The following SYNPR variants were observed in gnomAD, a reference collection of about 807,000 sequenced individuals.
SYNPR encodes synaptoporin.
A neutral mutation model predicts 32.9 loss-of-function variants in SYNPR; 23 were observed. The ratio of observed to expected loss-of-function variants is 0.70; its 90% CI spans 0.50 to 0.99. The LOEUF (loss-of-function observed/expected upper bound fraction) is 0.99. SYNPR is among the 50% of genes least tolerant of loss of function. The probability of loss-of-function intolerance (pLI) is 0.00; values close to 1 mark genes in which losing one functional copy is unlikely to be tolerated. For synonymous variants in SYNPR, 146 were observed against 135.9 expected, an observed-to-expected ratio of 1.07 and a Z score of -0.52; for missense variants, 318 against 349.3, an observed-to-expected ratio of 0.91 and a Z score of 0.71.
intron 2 of SYNPR, among the ~76,000 whole-genome samples, chr3:63,349,907 G>A (rs2087483815): frequency 6.6e-6 from 1 of 151,996 alleles, no homozygotes; most frequent in East Asian, 1.9e-4. Context: ...TTTAACAAAG[G>A]CAAATGCAAA....
Position 63,323,279 on chromosome 3 carries a change from T to C in SYNPR, c.84+44537T>C, listed in dbSNP as rs530272884. 2.6e-5 allele frequency among the ~76,000 whole-genome samples: 4 copies of C among 152,208 alleles called. No homozygotes were observed. In the South Asian group the frequency reaches 6.2e-4, roughly 24 times the overall value. On this transcript the variant is annotated intron_variant, in intron 2 of 5. Transcript: ENST00000478300. ...TAAGAAAGAGCCAAAGGTAATGCTA[T>C]GGACTGATCCACTTTCCAATGGAAA...
At chr3:63,253,995 T>A (rs1311083649) in intron 2 of SYNPR, among the ~76,000 whole-genome samples, 1 of 152,112 alleles carries the variant, frequency 6.6e-6, no homozygotes, top group East Asian at 1.9e-4. Context: ...CCATAAAAAA[T>A]GATGAGTTCC....
At chr3:63,465,219 A>G (rs1700654209) in intron 2 of SYNPR, among the ~76,000 whole-genome samples, 1 of 152,130 alleles carries the variant, frequency 6.6e-6, no homozygotes, top group African/African-American at 2.4e-5. Flanking sequence ...TATAATGAGA[A>G]AAAGCTACTC....
intron 2 of SYNPR, among the ~76,000 whole-genome samples, chr3:63,254,753 C>A (rs761029345): frequency 9.9e-5 from 15 of 152,006 alleles, no homozygotes; most frequent in Non-Finnish European, 1.9e-4. Context: ...ATCCCTAGTA[C>A]CTTGGAATGT....
intron 2 of SYNPR, among the ~76,000 whole-genome samples, chr3:63,381,083 T>G (rs1575617339): frequency 6.6e-6 from 1 of 152,218 alleles, no homozygotes; most frequent in East Asian, 1.9e-4. Flanking sequence ...AAATAAAGGG[T>G]ATTCAATTAG....
chr3:63,546,236 C>A, intron 3 of SYNPR, among the ~76,000 whole-genome samples: 1 of 152,122 alleles, frequency 6.6e-6, no homozygotes, highest in East Asian at 1.9e-4. Context: ...TGCCTCTTTG[C>A]AAGTCACTGT....
intron 2 of SYNPR, among the ~76,000 whole-genome samples, chr3:63,473,154 C>A (rs373361277): frequency 3.9e-5 from 6 of 152,154 alleles, no homozygotes; most frequent in South Asian, 4.1e-4. Flanking sequence ...GCCTAAAACA[C>A]CCTTCTCCCT....
chr3:63,346,142 TACA>T (rs760673309), intron 2 of SYNPR, among the ~76,000 whole-genome samples: 4 of 152,158 alleles, frequency 2.6e-5, no homozygotes, highest in Non-Finnish European at 5.9e-5. Flanking sequence ...AAACTCTTCA[TACA>T]TCAATTTTGT....
At chr3:63,309,989 C>A (rs368968421) in intron 2 of SYNPR, among the ~76,000 whole-genome samples, 1 of 151,868 alleles carries the variant, frequency 6.6e-6, no homozygotes, top group African/African-American at 2.4e-5. Context: ...AAGCCCTCTT[C>A]TGTGTACCCA....
At position 63,318,214 on chromosome 3, in the gene SYNPR, A is replaced by G. The variant is rs549892371; in HGVS notation, c.84+39472A>G. ...CTTTCCTTCATCTTGACTTTGGATA[A>G]CCTGATGACAATGTGCCTAGGCAAA... On this transcript the variant is annotated intron_variant, in intron 2 of 5. Transcript: ENST00000478300. 5.9e-5 allele frequency among the ~76,000 whole-genome samples: 9 copies of G among 152,098 alleles called. No homozygotes were observed. In the South Asian group the frequency reaches 1.9e-3, roughly 32 times the overall value.
At chr3:63,485,507 T>C (rs753745854) in intron 3 of SYNPR, among the ~76,000 whole-genome samples, 2 of 152,184 alleles carry the variant, frequency 1.3e-5, no homozygotes, top group Non-Finnish European at 2.9e-5. Flanking sequence ...AAAGCTTTCA[T>C]GGGACATTTC....
intron 3 of SYNPR, among the ~76,000 whole-genome samples, chr3:63,509,266 T>A (rs575839422): frequency 4.9e-4 from 64 of 130,224 alleles, no homozygotes; most frequent in African/African-American, 2.2e-3. Context: ...CAATTAAGGC[T>A]GAAAGTTATA....
At chr3:63,592,461 A>G (rs556411463) in intron 4 of SYNPR, among the ~76,000 whole-genome samples, 4 of 152,224 alleles carry the variant, frequency 2.6e-5, no homozygotes, top group Non-Finnish European at 5.9e-5. Flanking sequence ...AGGATACAAT[A>G]AAATCAGAAA....
At chr3:63,477,125 G>A (rs954663355) in intron 2 of SYNPR, among the ~76,000 whole-genome samples, 1 of 152,134 alleles carries the variant, frequency 6.6e-6, no homozygotes, top group Admixed American at 6.5e-5. Flanking sequence ...GAATGGTTGG[G>A]CGAGTAACTG....
intron 3 of SYNPR, among the ~76,000 whole-genome samples, chr3:63,492,930 T>C (rs1701282896): frequency 6.6e-6 from 1 of 152,060 alleles, no homozygotes; most frequent in South Asian, 2.1e-4. Context: ...AATCCAGCTG[T>C]AGTGACAGCC....
intron 4 of SYNPR, among the ~76,000 whole-genome samples, chr3:63,584,718 T>G (rs1487879779): frequency 1.3e-5 from 2 of 152,008 alleles, no homozygotes; most frequent in Admixed American, 6.6e-5. Context: ...ATAGAGTTAT[T>G]TTCAAGTTGA....
chr3:63,454,330 C>T (rs989897180), intron 2 of SYNPR, among the ~76,000 whole-genome samples: 1 of 152,072 alleles, frequency 6.6e-6, no homozygotes, highest in Non-Finnish European at 1.5e-5. Context: ...CCAATTTTCT[C>T]TCTAGGTTTT....
At chr3:63,571,183 G>A (rs145734079) in intron 4 of SYNPR, among the ~76,000 whole-genome samples, 86 of 152,160 alleles carry the variant, frequency 5.7e-4, no homozygotes, top group African/African-American at 1.9e-3. Flanking sequence ...TTCCACATGC[G>A]TACTAAAATG....
chr3:63,384,105 T>C (rs1265118756), intron 2 of SYNPR, among the ~76,000 whole-genome samples: 1 of 152,254 alleles, frequency 6.6e-6, no homozygotes, highest in East Asian at 1.9e-4. Context: ...GGGCAGCCAA[T>C]GCTGGATCTG....
Sources: gnomAD v4.1 joint callset for allele counts (sites outside exome capture counted in the v4.1 genomes callset) on GRCh38, gnomAD v4.1.1 for gene constraint, MANE v1.5 for transcripts, NCBI Gene and HGNC (gene_info 2026-07-23, HGNC 2026-07-21) for gene names.